GALNT1: variants seen among roughly 807,000 people sequenced by gnomAD.
GALNT1 encodes the protein GalNAc transferase 1.
In GALNT1, 17 loss-of-function variants were observed where a neutral mutation model predicts 65.7. The observed-to-expected ratio is 0.26, with a 90% CI of 0.18 to 0.39. The LOEUF (loss-of-function observed/expected upper bound fraction) is 0.39, where lower values mean the gene tolerates loss of function less well. Ranked by LOEUF, GALNT1 falls within the 10% of genes least tolerant of loss-of-function variation. GALNT1 has a pLI of 1.00. For synonymous variants in GALNT1, 210 were observed against 219.7 expected (o/e 0.96, Z 0.39); for missense variants, 460 against 672.8 (o/e 0.68, Z 3.50).
intron 1 of GALNT1, among the ~76,000 whole-genome samples, chr18:35,614,975 G>A (rs896254936): frequency 3.9e-4 from 59 of 151,816 alleles, no homozygotes; most frequent in African/African-American, 1.4e-3. Flanking sequence ...TAAATGTGAC[G>A]ACATACCATG....
chr18:35,709,516 A>G lies in GALNT1; in HGVS notation c.1534-108A>G, dbSNP rs1484804145. 4.6e-6 allele frequency: 5 copies of G among 1,078,786 alleles called. No individual in the cohort carries two copies. The South Asian group carries it at 6.2e-5, about 13-fold the overall frequency. 66.8% of individuals were successfully genotyped at this position (1,078,786 alleles called of 1,614,324 possible). ...TTCTCCGTTGTCTTTTAAATAATGT[A>G]TATTACCAAAAAAAACACCTTTTCT... On this transcript the variant is annotated intron_variant, in intron 11 of 11. Coordinates refer to ENST00000269195, the MANE Select transcript of GALNT1 (RefSeq NM_020474.4).
chr18:35,700,543 TTCAACATCTAA>T (rs2048144043), intron 9 of GALNT1, among the ~76,000 whole-genome samples: 1 of 152,148 alleles, frequency 6.6e-6, no homozygotes, highest in Non-Finnish European at 1.5e-5. Flanking sequence ...AAACTCCACT[TTCAACATCTAA>T]TGGTCAGTAG....
intron 1 of GALNT1, chr18:35,597,002 C>T (rs73946642): frequency 0.015 from 2,346 of 152,302 alleles, 29 homozygotes; most frequent in African/African-American, 0.027. Context: ...GAATTAGAAG[C>T]TCACAGAACC....
intron 3 of GALNT1, among the ~76,000 whole-genome samples, chr18:35,672,392 C>T (rs2047649643): frequency 6.6e-6 from 1 of 152,218 alleles, no homozygotes; most frequent in African/African-American, 2.4e-5. Context: ...TTTTCTTCAG[C>T]CTCAGCTATG....
At chr18:35,641,663 A>C (rs1219978550) in intron 1 of GALNT1, among the ~76,000 whole-genome samples, 1 of 152,254 alleles carries the variant, frequency 6.6e-6, no homozygotes, top group Non-Finnish European at 1.5e-5. Context: ...AGATTGTCAA[A>C]AATAAAAATG....
rs138968271 is a variant in GALNT1 at position 35,645,800 on chromosome 18, T to A, written c.-103-8760T>A. ...AGTGAGGATACATAACTTGCCTTAT[T>A]TTAACTGAAGCTTCATCATTAAATA... On this transcript the variant is annotated intron_variant, in intron 1 of 11. Coordinates refer to ENST00000269195, the MANE Select transcript of GALNT1 (RefSeq NM_020474.4). 1.4e-3 allele frequency among the ~76,000 whole-genome samples: 213 copies of A among 152,334 alleles called. 2 individuals carry two copies. Among genetic ancestry groups the A allele is most frequent in the African/African-American group, 4.5e-3 (186 of 41,586 alleles).
rs942507186 is a variant in GALNT1 at position 35,629,522 on chromosome 18, AT to A, written c.-103-25034del. On this transcript the variant is annotated intron_variant, in intron 1 of 11. Transcript: ENST00000269195. ...TTTACAGACAAGCAAATGCTGAGAGATTTTGTCACCACCAGGCCTGCCCTAC... is the reference window on the plus strand; with the variant it reads ...TTTACAGACAAGCAAATGCTGAGAGATTTGTCACCACCAGGCCTGCCCTAC... Among the ~76,000 whole-genome samples, 35 of 152,296 alleles carry A rather than the reference AT, an allele frequency of 2.3e-4. 1 individual carries two copies. Among genetic ancestry groups the A allele is most frequent in the African/African-American group, 8.2e-4 (34 of 41,552 alleles).
intron 3 of GALNT1, among the ~76,000 whole-genome samples, chr18:35,673,182 A>G (rs1460232092): frequency 6.6e-6 from 1 of 152,242 alleles, no homozygotes; most frequent in African/African-American, 2.4e-5. Context: ...CTAGTGACAG[A>G]TGAAATTTAA....
At chr18:35,654,488 A>G (rs561856177) in intron 1 of GALNT1, 72 bp from the exon 2 acceptor site, 4 of 218,890 alleles carry the variant, frequency 1.8e-5, no homozygotes, top group Non-Finnish European at 2.6e-5. Flanking sequence ...TTATAATATT[A>G]AATTAATTTT....
At chr18:35,633,272 T>C (rs1017112680) in intron 1 of GALNT1, among the ~76,000 whole-genome samples, 6 of 152,054 alleles carry the variant, frequency 3.9e-5, no homozygotes, top group African/African-American at 1.2e-4. Flanking sequence ...CTATTCACAA[T>C]AGCAAAGACC....
Position 35,630,847 on chromosome 18 carries a change from C to T in GALNT1, c.-103-23713C>T, listed in dbSNP as rs1241343. Among the ~76,000 whole-genome samples the T allele has an allele frequency of 4.9e-4, 74 of 152,108 alleles. 1 individual carries two copies. Among genetic ancestry groups the T allele is most frequent in the Non-Finnish European group, 8.4e-4 (57 of 68,002 alleles). On this transcript the variant is annotated intron_variant, in intron 1 of 11. Coordinates refer to ENST00000269195, the MANE Select transcript of GALNT1 (RefSeq NM_020474.4). ...AGAAAAGAGAGAAGAATCAAATAGACGCAATAAAAAATGATGAAGGGGATA... is the reference window on the plus strand; with the variant it reads ...AGAAAAGAGAGAAGAATCAAATAGATGCAATAAAAAATGATGAAGGGGATA...
chr18:35,603,954 T>C (rs2046613503), intron 1 of GALNT1, among the ~76,000 whole-genome samples: 1 of 152,110 alleles, frequency 6.6e-6, no homozygotes, highest in African/African-American at 2.4e-5. Flanking sequence ...GGTTCGGGGG[T>C]ACATGTGCAG....
At chr18:35,583,395 C>T (rs72958830) in intron 1 of GALNT1, among the ~76,000 whole-genome samples, 8,495 of 152,252 alleles carry the variant, frequency 0.056, 273 homozygotes, top group South Asian at 0.072. Flanking sequence ...TGTTTGGTGC[C>T]TCTTAAGCAG....
chr18:35,670,047 T>C (rs565743192), intron 3 of GALNT1, among the ~76,000 whole-genome samples: 12 of 152,332 alleles, frequency 7.9e-5, no homozygotes, highest in African/African-American at 2.9e-4. Flanking sequence ...CCTAGCACTT[T>C]GGGCACCTGA....
chr18:35,601,893 G>A (rs1426735550), intron 1 of GALNT1, among the ~76,000 whole-genome samples: 1 of 152,164 alleles, frequency 6.6e-6, no homozygotes, highest in Non-Finnish European at 1.5e-5. Context: ...CGTCATTCTA[G>A]TGATGTGAAT....
chr18:35,645,786 A>G (rs1227386763), intron 1 of GALNT1, among the ~76,000 whole-genome samples: 1 of 152,180 alleles, frequency 6.6e-6, no homozygotes. Context: ...GTGAGGATAC[A>G]TAACTTGCCT....
intron 1 of GALNT1, among the ~76,000 whole-genome samples, chr18:35,642,731 G>A (rs1449318608): frequency 1.3e-5 from 2 of 152,098 alleles, no homozygotes. Flanking sequence ...ACTAGAAGCT[G>A]CTTTTTACCT....
chr18:35,698,251 T>C (rs1028387131), intron 9 of GALNT1, among the ~76,000 whole-genome samples: 1 of 151,422 alleles, frequency 6.6e-6, no homozygotes, highest in African/African-American at 2.4e-5. Flanking sequence ...GTGGATCACT[T>C]GAGATCAGGA....
At chr18:35,683,045 T>C (rs1244437864) in intron 4 of GALNT1, among the ~76,000 whole-genome samples, 2 of 152,256 alleles carry the variant, frequency 1.3e-5, no homozygotes, top group East Asian at 3.9e-4. Context: ...TCTGTTGAGG[T>C]CTGGATTTAA....
Sources: allele counts gnomAD v4.1 joint callset (sites outside exome capture counted in the v4.1 genomes callset), GRCh38; gene constraint gnomAD v4.1.1; transcripts MANE v1.5; gene names NCBI Gene and HGNC (gene_info 2026-07-23, HGNC 2026-07-21).